The following SMARCAD1 variants were observed in gnomAD, a reference collection of about 807,000 sequenced individuals.
SMARCAD1 encodes the protein SWI/SNF-related matrix-associated actin-dependent regulator of chromatin subfamily A containing DEAD/H box 1.
Under a neutral mutation model 127.1 loss-of-function variants are expected in SMARCAD1, and 25 were observed. The observed-to-expected ratio is 0.20, with a 90% CI of 0.14 to 0.27. The LOEUF is 0.27. Ranked by LOEUF, SMARCAD1 falls within the 10% of genes least tolerant of loss-of-function variation. SMARCAD1 has a pLI of 1.00. For synonymous variants in SMARCAD1, 400 were observed against 396.9 expected (o/e 1.01, Z -0.09); for missense variants, 807 against 1,206.0 (o/e 0.67, Z 4.90).
intron 6 of SMARCAD1, among the ~76,000 whole-genome samples, chr4:94,248,853 A>T (rs1748852008): frequency 2.0e-5 from 3 of 152,200 alleles, no homozygotes; most frequent in Admixed American, 2.0e-4. Context: ...GAAAAATAGC[A>T]ATTCAGTTGT....
chr4:94,228,573 A>T (rs1025554397), intron 3 of SMARCAD1, among the ~76,000 whole-genome samples: 2 of 152,166 alleles, frequency 1.3e-5, no homozygotes, highest in Non-Finnish European at 2.9e-5. Flanking sequence ...TTTATAAATA[A>T]GGAATATGTC....
At chr4:94,248,011 T>C (rs1748718631) in intron 6 of SMARCAD1, among the ~76,000 whole-genome samples, 1 of 152,292 alleles carries the variant, frequency 6.6e-6, no homozygotes, top group Admixed American at 6.5e-5. Flanking sequence ...CCCTCCGCCT[T>C]CTTGTGTTCC....
chr4:94,227,055 AG>A (rs1745140159), intron 3 of SMARCAD1, among the ~76,000 whole-genome samples: 1 of 152,072 alleles, frequency 6.6e-6, no homozygotes, highest in Non-Finnish European at 1.5e-5. Context: ...GCCTCAATTG[AG>A]AAGACAGTGC....
At chr4:94,224,361 A>G (rs1744674424) in intron 2 of SMARCAD1, among the ~76,000 whole-genome samples, 1 of 152,322 alleles carries the variant, frequency 6.6e-6, no homozygotes, top group East Asian at 1.9e-4. Context: ...CCTTATCTGA[A>G]GTTCTTGGGA....
At chr4:94,261,361 A>G (rs1750955034) in intron 9 of SMARCAD1, among the ~76,000 whole-genome samples, 1 of 152,210 alleles carries the variant, frequency 6.6e-6, no homozygotes. Flanking sequence ...TTAGGCACTA[A>G]CCTTCAACAA....
chr4:94,232,506 A>G (rs144321938), intron 3 of SMARCAD1, among the ~76,000 whole-genome samples: 1 of 152,306 alleles, frequency 6.6e-6, no homozygotes, highest in Non-Finnish European at 1.5e-5. Flanking sequence ...CAGGAATGAG[A>G]AGTCTAGGTA....
intron 16 of SMARCAD1, 24 bp downstream of exon 16, chr4:94,277,183 C>T (rs745439898): frequency 3.1e-6 from 5 of 1,612,206 alleles, no homozygotes; most frequent in Non-Finnish European, 4.2e-6. Context: ...CATATTTTCT[C>T]CCAAATATGT....
intron 21 of SMARCAD1, among the ~76,000 whole-genome samples, chr4:94,282,358 A>T (rs568778850): frequency 6.6e-6 from 1 of 151,596 alleles, no homozygotes; most frequent in East Asian, 2.0e-4. Flanking sequence ...GGCCTCCCAA[A>T]GTGCTGGGAT....
rs367643014 is a variant in SMARCAD1, at chr4:94,208,571, A to C, written c.177A>C (p.Ile59=). The part of the protein sequence containing the change: ...VSRANTPDSD[I]TEKTEDSSVP... ...GGGCAAACACTCCTGATTCAGATAT[A>C]ACTGAAAAAACAGGTGAGTTACAAT... Residue 59 remains isoleucine, a synonymous_variant, in exon 2 of 24, where the codon ATA becomes ATC. Transcript: ENST00000354268. 1.1e-4 allele frequency: 175 copies of C among 1,613,924 alleles called. No homozygotes were observed. The highest frequency in any genetic ancestry group is 1.5e-4 in the Non-Finnish European group (174 of 1,179,932).
In SMARCAD1 at chr4:94,252,802, A is replaced by T; in HGVS notation, c.1076A>T (p.Glu359Val). 6.2e-7 allele frequency: 1 copy of T among 1,614,066 alleles called. No homozygotes were observed. The highest frequency in any genetic ancestry group is 1.1e-5 in the South Asian group (1 of 91,080). ...CCAAAGAGAGTTGTTGAAGACTCTG[A>T]ATATGATTCAGGTTCTGATGTCGGT... ...FNPKRVVEDS[E>V]YDSGSDVGSS... The change falls in exon 9 of 24, where the codon GAA (glutamate) becomes GTA (valine). Residue 359 changes from glutamate to valine, a missense_variant. Physicochemically the swap from Glu to Val is moderately radical, Grantham distance 121 (BLOSUM62 -2). Transcript: ENST00000354268.
At chr4:94,259,076 T>C (rs1039208780) in intron 9 of SMARCAD1, among the ~76,000 whole-genome samples, 4 of 152,200 alleles carry the variant, frequency 2.6e-5, no homozygotes, top group Non-Finnish European at 5.9e-5. Context: ...GACTAACTGT[T>C]TTAGCCTCCC....
chr4:94,208,445 T>C lies in SMARCAD1; in HGVS notation c.51T>C (p.Ile17=). 1 of 1,614,110 alleles carries C rather than the reference T, an allele frequency of 6.2e-7. No homozygotes were observed. Among genetic ancestry groups the C allele is most frequent in the Non-Finnish European group, 8.5e-7 (1 of 1,180,020 alleles). ...TTCGCTTTGAGAAAAGGAATAAGATTGAGGAAGCGCCCGAAGCAACCCCTC... is the reference window on the plus strand; with the variant it reads ...TTCGCTTTGAGAAAAGGAATAAGATCGAGGAAGCGCCCGAAGCAACCCCTC... ...DRFRFEKRNK[I]EEAPEATPQP... Residue 17 remains isoleucine, a synonymous_variant, in exon 2 of 24, where the codon ATT becomes ATC. Coordinates refer to ENST00000354268, the MANE Select transcript of SMARCAD1 (RefSeq NM_020159.5).
Position 94,290,792 on chromosome 4 carries a change from CATT to C in SMARCAD1, c.*1261_*1263del, listed in dbSNP as rs1169507280. Reference sequence around the variant, plus strand: ...TGTTTTGTTTTTATTATGTAAATATCATTATAAATAAACTTATTTATAAATCAA... The same window carrying C: ...TGTTTTGTTTTTATTATGTAAATATCATAAATAAACTTATTTATAAATCAA... On this transcript the variant is annotated 3_prime_UTR_variant, in exon 24 of 24. Transcript: ENST00000354268. The C allele has an allele frequency of 7.0e-6, 3 of 430,380 alleles. No individual in the cohort carries two copies. The highest frequency in any genetic ancestry group is 2.1e-5 in the African/African-American group (1 of 48,724). 26.7% of individuals were successfully genotyped at this position (430,380 alleles called of 1,614,324 possible). A position where few individuals can be genotyped will look rare whatever the true frequency, so the allele number is the denominator to read the frequency against.
chr4:94,272,434 A>G (rs945070965), intron 11 of SMARCAD1, among the ~76,000 whole-genome samples: 1 of 152,210 alleles, frequency 6.6e-6, no homozygotes, highest in Non-Finnish European at 1.5e-5. Context: ...TATACAGCTT[A>G]GTGACTTTTT....
rs775916080 is a variant in SMARCAD1, at chr4:94,208,344, A to G, written c.-49-2A>G. On this transcript the variant is annotated splice_acceptor_variant, in intron 1 of 23. Transcript: ENST00000354268. LOFTEE classifies it low-confidence loss of function (5UTR_SPLICE). Reference sequence around the variant, plus strand: ...TTTCCTCTCTTTATTTTTCCCCTGCAGATAGTTCATTTAAAGCCCCCATCC... The same window carrying G: ...TTTCCTCTCTTTATTTTTCCCCTGCGGATAGTTCATTTAAAGCCCCCATCC... The G allele has an allele frequency of 5.7e-6, 9 of 1,570,280 alleles. No individual in the cohort carries two copies. The highest frequency in any genetic ancestry group is 1.7e-5 in the Admixed American group (1 of 59,944).
intron 3 of SMARCAD1, among the ~76,000 whole-genome samples, chr4:94,233,102 A>G (rs1484988673): frequency 6.6e-6 from 1 of 152,252 alleles, no homozygotes; most frequent in African/African-American, 2.4e-5. Flanking sequence ...GAGAAATTGC[A>G]TATTCTAGAT....
chr4:94,215,125 G>A (rs1202838686), intron 2 of SMARCAD1, among the ~76,000 whole-genome samples: 6 of 152,104 alleles, frequency 3.9e-5, no homozygotes, highest in African/African-American at 4.8e-5. Flanking sequence ...TGACCATTGC[G>A]CAATACTCAG....
chr4:94,274,045 G>A (rs189074433), intron 12 of SMARCAD1, among the ~76,000 whole-genome samples: 286 of 152,262 alleles, frequency 1.9e-3, no homozygotes, highest in African/African-American at 6.4e-3. Flanking sequence ...AAACAGATAC[G>A]TAATTAATTC....
intron 2 of SMARCAD1, chr4:94,213,277 G>T: frequency 2.6e-6 from 1 of 385,174 alleles, no homozygotes; most frequent in Non-Finnish European, 4.6e-6. Context: ...TTCAGGGGAG[G>T]ATCACAAAAA....
Sources: gnomAD v4.1 joint callset for allele counts (sites outside exome capture counted in the v4.1 genomes callset) on GRCh38, gnomAD v4.1.1 for gene constraint, MANE v1.5 for transcripts, NCBI Gene and HGNC (gene_info 2026-07-23, HGNC 2026-07-21) for gene names.